The following ZNF649 variants were observed in gnomAD, a reference collection of about 807,000 sequenced individuals.
The protein encoded by ZNF649 is zinc finger protein 649.
A neutral mutation model predicts 14.1 loss-of-function variants in ZNF649; 7 were observed. That is an observed-to-expected ratio of 0.49 (90% CI 0.28 to 0.93). The LOEUF (loss-of-function observed/expected upper bound fraction) is 0.93. ZNF649 is among the 40% of genes least tolerant of loss of function. The probability of loss-of-function intolerance (pLI) is 0.10; values close to 1 mark genes in which losing one functional copy is unlikely to be tolerated. For missense variants in ZNF649, 544 were observed against 608.1 expected (o/e 0.89, Z 1.11); for synonymous variants, 227 against 212.3 (o/e 1.07, Z -0.60).
At position 51,890,711 on chromosome 19, in the gene ZNF649, A is replaced by C. The variant is rs766191412; in HGVS notation, c.1425T>G (p.Pro475=). The change falls in exon 5 of 5, where the codon CCT becomes CCG. Residue 475 remains proline (P), a synonymous_variant. Transcript: ENST00000354957. ...NPSTASHSLS[P]SEHVQGKSPV... ...GGCTTTTCCCCTGCACATGTTCACT[A>C]GGACTTAAGCTGTGACTTGCTGTGG... 5 of 1,614,232 alleles carry C rather than the reference A, an allele frequency of 3.1e-6. No homozygotes were observed. In the South Asian group the frequency reaches 5.5e-5, roughly 18 times the overall value.
chr19:51,899,020 C>G (rs772501514), intron 2 of ZNF649, among the ~76,000 whole-genome samples: 2 of 152,180 alleles, frequency 1.3e-5, no homozygotes, highest in Non-Finnish European at 2.9e-5. Context: ...CTTGGTCTTT[C>G]TGGCAACCAG....
intron 2 of ZNF649, among the ~76,000 whole-genome samples, chr19:51,898,117 T>C (rs1487605645): frequency 1.6e-5 from 2 of 125,066 alleles, no homozygotes; most frequent in African/African-American, 6.3e-5. Flanking sequence ...AAAAAAAAAC[T>C]ATGAATCTGT....
Position 51,900,116 on chromosome 19 carries a change from G to T in ZNF649, c.-9C>A. The stretch of plus-strand genomic sequence containing the variant: ...ACCTGGGCCTTTGTCATTTTCTTCT[G>T]TTTCAGGAAATACCCAAGAACTGGG... On this transcript the variant is annotated 5_prime_UTR_variant, in exon 2 of 5. Transcript: ENST00000354957. The T allele has an allele frequency of 6.6e-7, 1 of 1,505,212 alleles. No homozygotes were observed. Among genetic ancestry groups the T allele is most frequent in the Admixed American group, 2.1e-5 (1 of 48,552 alleles). The allele number at this position is 1,505,212 out of a possible 1,614,324, so 93.2% of individuals were successfully genotyped here. A position where few individuals can be genotyped will look rare whatever the true frequency, so the allele number is the denominator to read the frequency against.
At chr19:51,895,845 T>C (rs2122764395) in intron 4 of ZNF649, among the ~76,000 whole-genome samples, 1 of 152,152 alleles carries the variant, frequency 6.6e-6, no homozygotes, top group East Asian at 1.9e-4. Flanking sequence ...TTCTAGCAAA[T>C]TAATCAAACT....
In ZNF649 at chr19:51,889,686, A is replaced by C. The variant is rs1599884036; in HGVS notation, c.*932T>G. 6.6e-6 allele frequency: 1 copy of C among 152,238 alleles called. No homozygotes were observed. Among genetic ancestry groups the C allele is most frequent in the Non-Finnish European group, 1.5e-5 (1 of 68,032 alleles). The allele number at this position is 152,238 out of a possible 1,614,324, so 9.4% of individuals were successfully genotyped here. A position where few individuals can be genotyped will look rare whatever the true frequency, so the allele number is the denominator to read the frequency against. On this transcript the variant is annotated 3_prime_UTR_variant, in exon 5 of 5. Transcript: ENST00000354957. ...AAATTTGGAGAGGACATAAATATGC[A>C]ATCCCTCACAATGATGTATGCTATA... is the stretch of plus-strand genomic sequence containing the variant.
In ZNF649 at chr19:51,896,517, G is replaced by A. The variant is rs2085063480; in HGVS notation, c.193C>T (p.Pro65Ser). 1.9e-6 allele frequency: 3 copies of A among 1,613,992 alleles called. No homozygotes were observed. The highest frequency in any genetic ancestry group is 1.3e-5 in the African/African-American group (1 of 74,896). ...ATTTCATCTTCTAGTGTCCATAGTG[G>A]TTCTCCTTGTTCCAACTTGGTGAGG... The part of the protein sequence containing the change: ...DALTKLEQGE[P>S]LWTLEDEIHS... Residue 65 changes from proline (P) to serine (S), a missense_variant, in exon 4 of 5, where the codon CCA (proline) becomes TCA (serine). Physicochemically the swap from Pro to Ser is moderately conservative, Grantham distance 74 (BLOSUM62 -1). Coordinates refer to ENST00000354957, the MANE Select transcript of ZNF649 (RefSeq NM_023074.4).
rs113773579 is a variant in ZNF649 at position 51,891,797 on chromosome 19, T to A, written c.339A>T (p.Ser113=). The part of the protein sequence containing the change: ...QRYEHGRTLK[S]YLGLTNQSRR... ...TGCTCTGGTTGGTTAAACCTAAATATGATTTCAAAGTTCTTCCGTGTTCAT... is the reference window on the plus strand; with the variant it reads ...TGCTCTGGTTGGTTAAACCTAAATAAGATTTCAAAGTTCTTCCGTGTTCAT... Residue 113 remains serine (S), a synonymous_variant, in exon 5 of 5, where the codon TCA becomes TCT. Coordinates refer to ENST00000354957, the MANE Select transcript of ZNF649 (RefSeq NM_023074.4). This position sits in a 1 kb window ranked among gnomAD's most constrained non-coding sequence, Gnocchi z 4.2. The A allele has an allele frequency of 4.1e-5, 66 of 1,613,686 alleles. 1 individual carries two copies. The highest frequency in any genetic ancestry group is 4.0e-4 in the African/African-American group (30 of 74,844).
chr19:51,891,322 G>A lies in ZNF649; in HGVS notation c.814C>T (p.Pro272Ser), dbSNP rs775830503. Residue 272 changes from proline (P) to serine (S), a missense_variant, in exon 5 of 5, where the codon CCC (proline) becomes TCC (serine). Physicochemically the swap from Pro to Ser is moderately conservative, Grantham distance 74. Coordinates refer to ENST00000354957, the MANE Select transcript of ZNF649 (RefSeq NM_023074.4). This position sits in a 1 kb window ranked among gnomAD's most constrained non-coding sequence, Gnocchi z 4.2. ...TGTTCAGTAAGCTCAGATTTCCTGG[G>A]GAAGGCTTTCCCACATTCACTGCAC... ...YGCSECGKAFPRKSELTEHQR... is the reference protein window; with the variant it reads ...YGCSECGKAFSRKSELTEHQR... 2 of 1,614,100 alleles carry A rather than the reference G, an allele frequency of 1.2e-6. No individual in the cohort carries two copies. Among genetic ancestry groups the A allele is most frequent in the Non-Finnish European group, 1.7e-6 (2 of 1,180,020 alleles).
Position 51,891,506 on chromosome 19 carries a change from C to T in ZNF649, c.630G>A (p.Leu210=). The T allele has an allele frequency of 6.2e-7, 1 of 1,614,198 alleles. No homozygotes were observed. Among genetic ancestry groups the T allele is most frequent in the Non-Finnish European group, 8.5e-7 (1 of 1,180,028 alleles). The part of the protein sequence containing the change: ...HTGKKPHVCS[L]CGKAFYKKYR... Reference sequence around the variant, plus strand: ...ACTTCTTGTAGAAGGCTTTCCCACACAAGCTACACACGTGGGGTTTCTTTC... The same window carrying T: ...ACTTCTTGTAGAAGGCTTTCCCACATAAGCTACACACGTGGGGTTTCTTTC... The change falls in exon 5 of 5, where the codon TTG becomes TTA. Residue 210 remains leucine (L), a synonymous_variant. Transcript: ENST00000354957. The surrounding 1 kb of genome is among the most constrained non-coding windows in gnomAD (Gnocchi z 4.2).
intron 1 of ZNF649, among the ~76,000 whole-genome samples, chr19:51,901,580 G>C (rs1319938383): frequency 1.3e-5 from 2 of 151,990 alleles, no homozygotes; most frequent in Non-Finnish European, 1.5e-5. Context: ...AGGAGTTTGA[G>C]GCTGCAGTGA....
At chr19:51,896,398 C>T (rs1049893921) in intron 4 of ZNF649, 74 bp downstream of exon 4, 1 of 1,331,254 alleles carries the variant, frequency 7.5e-7, no homozygotes, top group Non-Finnish European at 1.1e-6. Context: ...ACTTTCACAA[C>T]TGTCATGCCT....
intron 1 of ZNF649, among the ~76,000 whole-genome samples, chr19:51,901,986 A>AAAT (rs1300678236): frequency 8.6e-5 from 13 of 151,430 alleles, no homozygotes; most frequent in Admixed American, 8.6e-4. Context: ...AAGAAAGAAG[A>AAAT]AATAATAATA....
chr19:51,897,468 A>G (rs1461764308), intron 2 of ZNF649, among the ~76,000 whole-genome samples: 1 of 152,196 alleles, frequency 6.6e-6, no homozygotes, highest in African/African-American at 2.4e-5. Flanking sequence ...ACCTACTTGC[A>G]ACCCTAAACT....
intron 4 of ZNF649, 172 bp downstream of exon 4, chr19:51,896,300 T>C: frequency 3.5e-6 from 2 of 577,344 alleles, no homozygotes; most frequent in South Asian, 2.1e-5. Context: ...TAAAGGGGTA[T>C]GTATGCTTCT....
intron 2 of ZNF649, among the ~76,000 whole-genome samples, chr19:51,899,625 ACTTG>A (rs71907063): frequency 0.012 from 1,776 of 152,294 alleles, 32 homozygotes; most frequent in African/African-American, 0.04. Context: ...GTCACACAAA[ACTTG>A]CTTGTGTATC....
At chr19:51,902,441 G>A (rs2085100343) in intron 1 of ZNF649, among the ~76,000 whole-genome samples, 1 of 152,144 alleles carries the variant, frequency 6.6e-6, no homozygotes, top group African/African-American at 2.4e-5. Context: ...CTCCTCCTCA[G>A]GTTCGATTAA....
In ZNF649 at chr19:51,891,319, T is replaced by C; in HGVS notation, c.817A>G (p.Arg273Gly). 1 of 1,614,246 alleles carries C rather than the reference T, an allele frequency of 6.2e-7. No individual in the cohort carries two copies. The highest frequency in any genetic ancestry group is 8.5e-7 in the Non-Finnish European group (1 of 1,180,042). The change falls in exon 5 of 5, where the codon AGG becomes GGG. Residue 273 changes from arginine to glycine, a missense_variant. By Grantham distance (125) the Arg-to-Gly change is moderately radical. Coordinates refer to ENST00000354957, the MANE Select transcript of ZNF649 (RefSeq NM_023074.4). The surrounding 1 kb of genome is among the most constrained non-coding windows in gnomAD (Gnocchi z 4.2). ...TGATGTTCAGTAAGCTCAGATTTCC[T>C]GGGGAAGGCTTTCCCACATTCACTG... ...GCSECGKAFP[R>G]KSELTEHQRI...
Position 51,891,314 on chromosome 19 carries a change from T to A in ZNF649, c.822A>T (p.Lys274Asn). 1 of 1,613,984 alleles carries A rather than the reference T, an allele frequency of 6.2e-7. No homozygotes were observed. Among genetic ancestry groups the A allele is most frequent in the South Asian group, 1.1e-5 (1 of 91,070 alleles). Reference protein sequence around the residue: ...CSECGKAFPRKSELTEHQRIH... With the variant: ...CSECGKAFPRNSELTEHQRIH... The stretch of plus-strand genomic sequence containing the variant: ...TCCTTTGATGTTCAGTAAGCTCAGA[T>A]TTCCTGGGGAAGGCTTTCCCACATT... The change falls in exon 5 of 5, where the codon AAA becomes AAT. Residue 274 changes from lysine (K) to asparagine (N), a missense_variant. Physicochemically the swap from Lys to Asn is moderately conservative, Grantham distance 94. Coordinates refer to ENST00000354957, the MANE Select transcript of ZNF649 (RefSeq NM_023074.4). This position sits in a 1 kb window ranked among gnomAD's most constrained non-coding sequence, Gnocchi z 4.2.
intron 1 of ZNF649, among the ~76,000 whole-genome samples, chr19:51,901,489 AG>A (rs1356265213): frequency 3.9e-5 from 6 of 152,086 alleles, no homozygotes; most frequent in Non-Finnish European, 7.4e-5. Flanking sequence ...CCCTTATAAA[AG>A]AGGCTTTGGC....
Sources: gnomAD v4.1 joint callset for allele counts (sites outside exome capture counted in the v4.1 genomes callset) on GRCh38, gnomAD v4.1.1 for gene constraint, Gnocchi (gnomAD v3.1) non-coding constraint, MANE v1.5 for transcripts, NCBI Gene and HGNC (gene_info 2026-07-23, HGNC 2026-07-21) for gene names.